Variants in ATP6V1C1 observed in about 807,000 individuals in gnomAD.
The protein encoded by ATP6V1C1 is ATPase H+ transporting V1 subunit C1, also known as V-type proton ATPase subunit C 1.
A neutral mutation model predicts 53.9 loss-of-function variants in ATP6V1C1; 45 were observed. The observed-to-expected ratio is 0.83, with a 90% confidence interval of 0.66 to 1.07. The LOEUF (loss-of-function observed/expected upper bound fraction) is 1.07, where lower values mean the gene tolerates loss of function less well. ATP6V1C1 is among the 50% of genes least tolerant of loss of function. ATP6V1C1 has a pLI of 0.00. For synonymous variants in ATP6V1C1, 153 were observed against 155.2 expected (o/e 0.99, Z 0.11); for missense variants, 315 against 440.3 (o/e 0.72, Z 2.55).
chr8:103,058,709 T>A (rs1243654740), intron 8 of ATP6V1C1, among the ~76,000 whole-genome samples: 1 of 152,246 alleles, frequency 6.6e-6, no homozygotes, highest in African/African-American at 2.4e-5. Flanking sequence ...TAATATTCAA[T>A]CTAATATTTT....
intron 1 of ATP6V1C1, among the ~76,000 whole-genome samples, chr8:103,025,371 C>T (rs559629824): frequency 6.6e-6 from 1 of 152,136 alleles, no homozygotes; most frequent in Non-Finnish European, 1.5e-5. Context: ...CCAGACTCCT[C>T]CTGGAGGAGA....
intron 1 of ATP6V1C1, among the ~76,000 whole-genome samples, chr8:103,033,750 C>A (rs184270640): frequency 1.9e-3 from 284 of 152,284 alleles, no homozygotes; most frequent in African/African-American, 6.6e-3. Context: ...GCCCTGGTTT[C>A]TTTGTAACTA....
intron 1 of ATP6V1C1, among the ~76,000 whole-genome samples, chr8:103,040,563 A>G (rs1040645980): frequency 6.6e-6 from 1 of 152,136 alleles, no homozygotes; most frequent in African/African-American, 2.4e-5. Context: ...AAAAGTAGGT[A>G]CTTCACATAT....
At chr8:103,061,089 C>T (rs1292662040) in intron 8 of ATP6V1C1, among the ~76,000 whole-genome samples, 2 of 152,196 alleles carry the variant, frequency 1.3e-5, no homozygotes, top group Admixed American at 6.5e-5. Flanking sequence ...AGCAGAAGAT[C>T]CTTAAACGGT....
intron 4 of ATP6V1C1, among the ~76,000 whole-genome samples, chr8:103,050,319 G>A (rs1360748402): frequency 6.6e-6 from 1 of 152,180 alleles, no homozygotes; most frequent in African/African-American, 2.4e-5. Context: ...TGACCAAGAG[G>A]GGCAGTGCAT....
chr8:103,055,793 T>G (rs1817280685), intron 7 of ATP6V1C1, 75 bp from the exon 8 acceptor site: 1 of 1,386,306 alleles, frequency 7.2e-7, no homozygotes, highest in African/African-American at 1.5e-5. Context: ...TGTCTCATAA[T>G]TTTTTCTCTT....
intron 1 of ATP6V1C1, among the ~76,000 whole-genome samples, chr8:103,039,984 T>A (rs889096185): frequency 3.9e-5 from 6 of 152,194 alleles, no homozygotes; most frequent in African/African-American, 1.4e-4. Context: ...CTAGGTTGAC[T>A]ATGGATTAGA....
intron 1 of ATP6V1C1, among the ~76,000 whole-genome samples, chr8:103,030,070 T>C (rs1444085069): frequency 6.6e-6 from 1 of 152,166 alleles, no homozygotes; most frequent in African/African-American, 2.4e-5. Flanking sequence ...GTTTTACTTA[T>C]CAAGATAGCA....
chr8:103,045,537 A>C (rs1448910850), intron 3 of ATP6V1C1, among the ~76,000 whole-genome samples: 2 of 152,256 alleles, frequency 1.3e-5, no homozygotes, highest in African/African-American at 4.8e-5. Flanking sequence ...CATATAGAGC[A>C]AATTATTATT....
rs149077118 is a variant in ATP6V1C1 at position 103,041,413 on chromosome 8, A to G, written c.132+445A>G. Among the ~76,000 whole-genome samples the G allele has an allele frequency of 1.1e-4, 16 of 152,266 alleles. No individual in the cohort carries two copies. In the East Asian group the frequency reaches 3.1e-3, roughly 29 times the overall value. ...AATCCGGTTAATCTATGTAAGATTC[A>G]CTCTTATCAAAGATCAGTCATCTAG... is the stretch of plus-strand genomic sequence containing the variant. On this transcript the variant is annotated intron_variant, in intron 2 of 12. Transcript: ENST00000518738.
chr8:103,060,438 A>G (rs1324519425), intron 8 of ATP6V1C1, among the ~76,000 whole-genome samples: 2 of 152,184 alleles, frequency 1.3e-5, no homozygotes, highest in East Asian at 3.8e-4. Flanking sequence ...CCTCAGATAA[A>G]GTTACTAATT....
At position 103,064,750 on chromosome 8, in the gene ATP6V1C1, G is replaced by C; in HGVS notation, c.865G>C (p.Glu289Gln). 6.2e-7 allele frequency: 1 copy of C among 1,613,446 alleles called. No homozygotes were observed. The highest frequency in any genetic ancestry group is 8.5e-7 in the Non-Finnish European group (1 of 1,179,778). Residue 289 changes from glutamate (E) to glutamine (Q), a missense_variant, in exon 11 of 13, where the codon GAA becomes CAA. Transcript: ENST00000518738. ...LVRWLKVNFS[E>Q]AFIAWIHVKA... is the part of the protein sequence containing the mutation. ...ACGGTGGCTGAAAGTGAATTTTAGT[G>C]AAGCATTTATTGCATGGATTCACGT...
chr8:103,023,904 T>TG (rs1247650588), intron 1 of ATP6V1C1, among the ~76,000 whole-genome samples: 10 of 147,300 alleles, frequency 6.8e-5, no homozygotes, highest in Non-Finnish European at 1.2e-4. Flanking sequence ...GCATTTTTTT[T>TG]TGGGGGGGGG....
intron 3 of ATP6V1C1, among the ~76,000 whole-genome samples, chr8:103,043,652 A>T (rs1817042581): frequency 6.6e-6 from 1 of 151,396 alleles, no homozygotes; most frequent in Non-Finnish European, 1.5e-5. Context: ...ATTTTTAAAA[A>T]TTTGTGTTTC....
rs777767802 is a variant in ATP6V1C1, at chr8:103,063,245, T to C, written c.828+17T>C. On this transcript the variant is annotated intron_variant, in intron 10 of 12. Coordinates refer to ENST00000518738, the MANE Select transcript of ATP6V1C1 (RefSeq NM_001695.5). ...AAACAATTTGTATGTGTTTTTAATA[T>C]TTAGTATTATCAGTACTAAGCAGAA... 1 of 1,516,002 alleles carries C rather than the reference T, an allele frequency of 6.6e-7. No homozygotes were observed. Among genetic ancestry groups the C allele is most frequent in the African/African-American group, 1.4e-5 (1 of 72,352 alleles). The allele number at this position is 1,516,002 out of a possible 1,614,324, so 93.9% of individuals were successfully genotyped here.
intron 10 of ATP6V1C1, among the ~76,000 whole-genome samples, chr8:103,064,042 G>C (rs1817447650): frequency 6.6e-6 from 1 of 152,096 alleles, no homozygotes; most frequent in South Asian, 2.1e-4. Context: ...CTATCCTTTT[G>C]CTTAAATTAA....
chr8:103,049,820 A>G (rs1023438974), intron 4 of ATP6V1C1, among the ~76,000 whole-genome samples: 23 of 152,072 alleles, frequency 1.5e-4, no homozygotes, highest in African/African-American at 5.6e-4. Context: ...ACCTGGAAGT[A>G]GTGGCATATG....
At chr8:103,063,902 T>C (rs145498970) in intron 10 of ATP6V1C1, among the ~76,000 whole-genome samples, 205 of 152,326 alleles carry the variant, frequency 1.3e-3, no homozygotes, top group African/African-American at 4.7e-3. Flanking sequence ...CCAAGTACTT[T>C]ATAAGCCATA....
intron 3 of ATP6V1C1, among the ~76,000 whole-genome samples, chr8:103,045,301 G>C (rs1476598250): frequency 6.6e-6 from 1 of 151,342 alleles, no homozygotes; most frequent in Non-Finnish European, 1.5e-5. Context: ...CAGGGTTACA[G>C]AGAGAGAGAG....
Sources: allele counts gnomAD v4.1 joint callset (sites outside exome capture counted in the v4.1 genomes callset), GRCh38; gene constraint gnomAD v4.1.1; transcripts MANE v1.5; gene names NCBI Gene and HGNC (gene_info 2026-07-23, HGNC 2026-07-21).